ALK: variants seen among roughly 807,000 people sequenced by gnomAD.
ALK encodes the protein ALK tyrosine kinase receptor.
A neutral mutation model predicts 163.1 loss-of-function variants in ALK; 74 were observed. The observed-to-expected ratio is 0.45, with a 90% confidence interval of 0.38 to 0.55. The LOEUF is 0.55. Ranked by LOEUF, ALK falls within the 20% of genes least tolerant of loss-of-function variation. The pLI is 0.00. For missense variants in ALK, 2,063 were observed against 2,105.3 expected (o/e 0.98, Z 0.39); for synonymous variants, 960 against 843.2 (o/e 1.14, Z -2.40).
At chr2:29,619,655 T>C (rs888599239) in intron 3 of ALK, among the ~76,000 whole-genome samples, 2 of 152,236 alleles carry the variant, frequency 1.3e-5, no homozygotes, top group African/African-American at 2.4e-5. Context: ...TTAGCCCCGA[T>C]GGATCGTATG....
intron 4 of ALK, among the ~76,000 whole-genome samples, chr2:29,402,536 A>G (rs1348242165): frequency 6.6e-6 from 1 of 152,224 alleles, no homozygotes; most frequent in Non-Finnish European, 1.5e-5. Context: ...TAAATGGTAG[A>G]ATGAATAGAA....
chr2:29,474,740 T>G (rs1269088758), intron 4 of ALK, among the ~76,000 whole-genome samples: 1 of 152,242 alleles, frequency 6.6e-6, no homozygotes, highest in Non-Finnish European at 1.5e-5. Flanking sequence ...AACGTATTCG[T>G]GAATTAATTT....
At chr2:29,531,245 T>G (rs973800988) in intron 4 of ALK, among the ~76,000 whole-genome samples, 4 of 152,220 alleles carry the variant, frequency 2.6e-5, no homozygotes, top group Admixed American at 6.5e-5. Flanking sequence ...GGATGGTATT[T>G]ATACTTATGG....
intron 1 of ALK, among the ~76,000 whole-genome samples, chr2:29,753,338 T>G (rs1355711851): frequency 1.3e-5 from 2 of 152,206 alleles, no homozygotes; most frequent in African/African-American, 2.4e-5. Flanking sequence ...CTCCGCACTT[T>G]CATGAGGTAT....
At chr2:29,456,676 G>C (rs1004685313) in intron 4 of ALK, among the ~76,000 whole-genome samples, 2 of 152,098 alleles carry the variant, frequency 1.3e-5, no homozygotes, top group African/African-American at 4.8e-5. Context: ...TAATGTCCCT[G>C]AACTGTACCC....
At chr2:29,742,903 A>G (rs1435971403) in intron 1 of ALK, among the ~76,000 whole-genome samples, 1 of 152,216 alleles carries the variant, frequency 6.6e-6, no homozygotes, top group Non-Finnish European at 1.5e-5. Context: ...TTCATGTGCC[A>G]GCCACCTTTC....
chr2:29,262,315 C>T lies in ALK; in HGVS notation c.2042-11048G>A, dbSNP rs371622658. Among the ~76,000 whole-genome samples the T allele has an allele frequency of 1.6e-4, 24 of 152,298 alleles. 1 individual carries two copies. Among genetic ancestry groups the T allele is most frequent in the African/African-American group, 5.5e-4 (23 of 41,568 alleles). On this transcript the variant is annotated intron_variant, in intron 11 of 28. Coordinates refer to ENST00000389048, the MANE Select transcript of ALK (RefSeq NM_004304.5). ...TGTTCTTCCAGCTTGTTTCTCAGAC[C>T]GAATTTATTTGCGTGTATGTGCATG...
chr2:29,336,617 C>T (rs1232827101), intron 5 of ALK, among the ~76,000 whole-genome samples: 1 of 152,202 alleles, frequency 6.6e-6, no homozygotes, highest in Non-Finnish European at 1.5e-5. Context: ...GAGAATGATG[C>T]CTCTTCCCTA....
intron 1 of ALK, among the ~76,000 whole-genome samples, chr2:29,847,844 G>GAAGGAGAGGGAAGATGAAGCA (rs1665885291): frequency 6.6e-6 from 1 of 151,866 alleles, no homozygotes; most frequent in African/African-American, 2.4e-5. Context: ...AAGAGGACAA[G>GAAGGAGAGGGAAGATGAAGCA]AAGGAGAGGG....
At chr2:29,611,570 A>G (rs988475370) in intron 3 of ALK, among the ~76,000 whole-genome samples, 2 of 152,190 alleles carry the variant, frequency 1.3e-5, no homozygotes, top group African/African-American at 4.8e-5. Flanking sequence ...GGTTATATAA[A>G]TAAATGATAT....
At chr2:29,618,561 C>A (rs1675926244) in intron 3 of ALK, among the ~76,000 whole-genome samples, 1 of 152,068 alleles carries the variant, frequency 6.6e-6, no homozygotes, top group African/African-American at 2.4e-5. Flanking sequence ...CATGTCCACA[C>A]CCCCATTTTT....
chr2:29,465,598 G>A (rs567463681), intron 4 of ALK, among the ~76,000 whole-genome samples: 1 of 152,078 alleles, frequency 6.6e-6, no homozygotes, highest in Non-Finnish European at 1.5e-5. Flanking sequence ...GGAAGCTGAG[G>A]CATGAAAATC....
At position 29,803,747 on chromosome 2, in the gene ALK, G is replaced by A. The variant is rs116520787; in HGVS notation, c.668-86050C>T. 1.5e-3 allele frequency among the ~76,000 whole-genome samples: 229 copies of A among 152,310 alleles called. 1 individual carries two copies. Among genetic ancestry groups the A allele is most frequent in the Non-Finnish European group, 2.1e-3 (141 of 68,026 alleles). On this transcript the variant is annotated intron_variant, in intron 1 of 28. Transcript: ENST00000389048. Reference sequence around the variant, plus strand: ...GTGAAATGTAGATTTAAGAAGTAATGCAGATAAATAATGGGATGCCAAGCT... The same window carrying A: ...GTGAAATGTAGATTTAAGAAGTAATACAGATAAATAATGGGATGCCAAGCT...
chr2:29,640,495 GT>G (rs1315110686), intron 3 of ALK, among the ~76,000 whole-genome samples: 2 of 152,184 alleles, frequency 1.3e-5, no homozygotes, highest in Non-Finnish European at 2.9e-5. Flanking sequence ...TGCCATGATT[GT>G]AAGTTTCCTG....
At chr2:29,760,337 C>A (rs1174333337) in intron 1 of ALK, among the ~76,000 whole-genome samples, 2 of 152,174 alleles carry the variant, frequency 1.3e-5, no homozygotes, top group East Asian at 3.8e-4. Context: ...AGCTATTTAA[C>A]CCTCTCGGCC....
At chr2:29,534,377 G>T (rs529770128) in intron 3 of ALK, among the ~76,000 whole-genome samples, 1 of 152,344 alleles carries the variant, frequency 6.6e-6, no homozygotes, top group Admixed American at 6.5e-5. Flanking sequence ...GGGGTTTCCA[G>T]TACTAGGGTA....
intron 1 of ALK, among the ~76,000 whole-genome samples, chr2:29,724,371 G>A (rs886494642): frequency 6.6e-6 from 1 of 152,096 alleles, no homozygotes; most frequent in Non-Finnish European, 1.5e-5. Context: ...AAAGCTTAAT[G>A]TGGCCAAATA....
At chr2:29,657,968 G>T (rs1272894309) in intron 3 of ALK, among the ~76,000 whole-genome samples, 3 of 152,122 alleles carry the variant, frequency 2.0e-5, no homozygotes, top group Admixed American at 6.5e-5. Flanking sequence ...CTGAGCATCT[G>T]TCTCACTCAA....
At chr2:29,701,961 C>G (rs1231090532) in intron 2 of ALK, among the ~76,000 whole-genome samples, 1 of 152,008 alleles carries the variant, frequency 6.6e-6, no homozygotes, top group Admixed American at 6.6e-5. Context: ...ATAGAAAAGG[C>G]AGCAGACATA....
Sources: allele counts gnomAD v4.1 joint callset (sites outside exome capture counted in the v4.1 genomes callset), GRCh38; gene constraint gnomAD v4.1.1; transcripts MANE v1.5; gene names NCBI Gene and HGNC (gene_info 2026-07-23, HGNC 2026-07-21).